The following PRDM6 variants were observed in gnomAD, a reference collection of about 807,000 sequenced individuals.
PRDM6 encodes the protein putative histone-lysine N-methyltransferase PRDM6.
A neutral mutation model predicts 60.8 loss-of-function variants in PRDM6; 25 were observed. The observed-to-expected ratio is 0.41, with a 90% confidence interval of 0.30 to 0.57. PRDM6 has a LOEUF of 0.57. PRDM6 is among the 20% of genes least tolerant of loss of function. The pLI, the probability that PRDM6 is intolerant of heterozygous loss-of-function variation, is 0.27. For synonymous variants in PRDM6, 407 were observed against 357.4 expected (o/e 1.14, Z -1.57); for missense variants, 839 against 821.3 (o/e 1.02, Z -0.26).
At chr5:123,163,185 A>G (rs758133593) in intron 5 of PRDM6, among the ~76,000 whole-genome samples, 8 of 152,186 alleles carry the variant, frequency 5.3e-5, no homozygotes, top group Non-Finnish European at 1.0e-4. Context: ...GAGAATTTCT[A>G]TTACCATTAT....
intron 3 of PRDM6, among the ~76,000 whole-genome samples, chr5:123,154,607 C>G (rs758305303): frequency 6.0e-4 from 92 of 152,144 alleles, no homozygotes; most frequent in Non-Finnish European, 1.2e-3. Flanking sequence ...TGCACCCCCT[C>G]CCCCGGAATA....
At chr5:123,142,893 AAAAAAAAAAC>A (rs2126862195) in intron 3 of PRDM6, among the ~76,000 whole-genome samples, 1 of 149,142 alleles carries the variant, frequency 6.7e-6, no homozygotes, top group Non-Finnish European at 1.5e-5. Context: ...AAAAAAAAAA[AAAAAAAAAAC>A]AAACAAACCA....
chr5:123,090,050 C>A lies in PRDM6; in HGVS notation c.36C>A (p.Phe12Leu), dbSNP rs1275098182. The A allele has an allele frequency of 4.5e-6, 7 of 1,548,454 alleles. No homozygotes were observed. The highest frequency in any genetic ancestry group is 2.0e-5 in the Admixed American group (1 of 50,968). ...LKPGDPGGSA[F>L]LKVDPAYLQH... ...CCGGAGACCCCGGCGGTTCGGCCTT[C>A]CTCAAAGTGGACCCAGCCTACCTGC... The change falls in exon 2 of 8, where the codon TTC (phenylalanine) becomes TTA (leucine). Residue 12 changes from phenylalanine (F) to leucine (L), a missense_variant. Around this residue, in one of 2 missense-constraint regions of PRDM6, gnomAD observed 730 missense variants for 648.8 expected, o/e 1.13. Coordinates refer to ENST00000407847, the MANE Select transcript of PRDM6 (RefSeq NM_001136239.4).
At chr5:123,169,673 A>G (rs1035000502) in intron 5 of PRDM6, among the ~76,000 whole-genome samples, 4 of 152,180 alleles carry the variant, frequency 2.6e-5, no homozygotes, top group Non-Finnish European at 5.9e-5. Context: ...TATACCAGGG[A>G]CCAAATCACG....
chr5:123,134,355 C>T (rs1764903683), intron 3 of PRDM6, among the ~76,000 whole-genome samples: 1 of 151,958 alleles, frequency 6.6e-6, no homozygotes, highest in Admixed American at 6.6e-5. Context: ...CAGTATAGAT[C>T]TTTATTTTAG....
chr5:123,090,149 C>G lies in PRDM6; in HGVS notation c.135C>G (p.Ser45Arg), dbSNP rs761433057. The change falls in exon 2 of 8, where the codon AGC becomes AGG. Residue 45 changes from serine (S) to arginine (R), a missense_variant. Physicochemically the swap from Ser to Arg is moderately radical, Grantham distance 110. Around this residue, in one of 2 missense-constraint regions of PRDM6, gnomAD observed 730 missense variants for 648.8 expected, o/e 1.13. Coordinates refer to ENST00000407847, the MANE Select transcript of PRDM6 (RefSeq NM_001136239.4). ...LKGSGAAGLL[S>R]APQPLQPPPP... ...GCAGCGGCGCCGCGGGTCTCCTGAG[C>G]GCGCCGCAGCCTCTTCAGCCGCCGC... 10 of 1,528,786 alleles carry G rather than the reference C, an allele frequency of 6.5e-6. No individual in the cohort carries two copies. In the African/African-American group the frequency reaches 1.3e-4, roughly 20 times the overall value. The allele number at this position is 1,528,786 out of a possible 1,614,324, so 94.7% of individuals were successfully genotyped here.
At position 123,190,687 on chromosome 5, in the gene PRDM6, G is replaced by A. The variant is rs1213414059; in HGVS notation, c.*3486G>A. ...GGTTCAGGTATGCAAAGATTTATACGAACATTTAGCAGTTCATCAATTTTT... is the reference window on the plus strand; with the variant it reads ...GGTTCAGGTATGCAAAGATTTATACAAACATTTAGCAGTTCATCAATTTTT... On this transcript the variant is annotated 3_prime_UTR_variant, in exon 8 of 8. Coordinates refer to ENST00000407847, the MANE Select transcript of PRDM6 (RefSeq NM_001136239.4). 1 of 152,162 alleles carries A rather than the reference G, an allele frequency of 6.6e-6. No homozygotes were observed. The highest frequency in any genetic ancestry group is 6.5e-5 in the Admixed American group (1 of 15,290). 9.4% of individuals were successfully genotyped at this position (152,162 alleles called of 1,614,324 possible). A position where few individuals can be genotyped will look rare whatever the true frequency, so the allele number is the denominator to read the frequency against.
At chr5:123,122,885 C>T (rs915279393) in intron 3 of PRDM6, among the ~76,000 whole-genome samples, 6 of 152,058 alleles carry the variant, frequency 3.9e-5, no homozygotes, top group African/African-American at 1.2e-4. Flanking sequence ...TTCTTTACTA[C>T]GAGTTTAATG....
chr5:123,156,464 T>C (rs1330447694), intron 4 of PRDM6, among the ~76,000 whole-genome samples: 1 of 152,196 alleles, frequency 6.6e-6, no homozygotes, highest in Admixed American at 6.5e-5. Flanking sequence ...AAGAACTCGC[T>C]ACCTTCCCAA....
intron 3 of PRDM6, among the ~76,000 whole-genome samples, chr5:123,126,762 A>C: frequency 6.6e-6 from 1 of 152,350 alleles, no homozygotes; most frequent in East Asian, 1.9e-4. Context: ...AATTTCCAGA[A>C]GTTTTACACC....
chr5:123,157,509 A>C (rs1765530028), intron 4 of PRDM6, among the ~76,000 whole-genome samples: 2 of 152,178 alleles, frequency 1.3e-5, no homozygotes, highest in South Asian at 4.1e-4. Context: ...TGTCAATATT[A>C]AGTGGGTTTT....
chr5:123,168,820 T>C (rs1243293108), intron 5 of PRDM6, among the ~76,000 whole-genome samples: 17 of 152,252 alleles, frequency 1.1e-4, no homozygotes, highest in Admixed American at 9.2e-4. Context: ...GCTTAACACA[T>C]GTGATGCTGC....
At chr5:123,142,733 T>C (rs922790167) in intron 3 of PRDM6, among the ~76,000 whole-genome samples, 11 of 151,848 alleles carry the variant, frequency 7.2e-5, no homozygotes, top group African/African-American at 2.4e-4. Context: ...CCTAAAAATA[T>C]CTGTCTTATG....
At chr5:123,113,759 C>G (rs1436521451) in intron 3 of PRDM6, among the ~76,000 whole-genome samples, 1 of 152,180 alleles carries the variant, frequency 6.6e-6, no homozygotes, top group Non-Finnish European at 1.5e-5. Context: ...GGTGAGCTTT[C>G]TTTTCTAGGT....
intron 3 of PRDM6, among the ~76,000 whole-genome samples, chr5:123,106,627 A>T (rs335143): frequency 6.6e-6 from 1 of 152,136 alleles, no homozygotes; most frequent in African/African-American, 2.4e-5. Context: ...AAGGCTCAGC[A>T]GTGTGAAACT....
chr5:123,118,345 C>G (rs1429121560), intron 3 of PRDM6, among the ~76,000 whole-genome samples: 1 of 152,136 alleles, frequency 6.6e-6, no homozygotes, highest in Non-Finnish European at 1.5e-5. Context: ...AGAAATAAGG[C>G]TGATAAATTG....
chr5:123,155,864 C>T lies in PRDM6; in HGVS notation c.901-20C>T. 5.8e-6 allele frequency: 9 copies of T among 1,548,526 alleles called. No individual in the cohort carries two copies. Among genetic ancestry groups the T allele is most frequent in the Non-Finnish European group, 7.9e-6 (9 of 1,146,022 alleles). The stretch of plus-strand genomic sequence containing the variant: ...CTGATGATTCGTTCTAACTACTTGA[C>T]CTTCTGACCTCTTCTCCAGATATAT... On this transcript the variant is annotated intron_variant, in intron 3 of 7. Coordinates refer to ENST00000407847, the MANE Select transcript of PRDM6 (RefSeq NM_001136239.4).
intron 6 of PRDM6, among the ~76,000 whole-genome samples, 189 bp downstream of exon 6, chr5:123,171,297 G>T (rs1267706991): frequency 6.6e-6 from 1 of 152,212 alleles, no homozygotes; most frequent in Non-Finnish European, 1.5e-5. Flanking sequence ...AGACAGGTTG[G>T]TGGCTGCAGA....
chr5:123,175,105 A>T (rs959748876), intron 6 of PRDM6, among the ~76,000 whole-genome samples: 1 of 151,970 alleles, frequency 6.6e-6, no homozygotes, highest in Admixed American at 6.6e-5. Flanking sequence ...CAGCACTCCC[A>T]TTGGGGGCAG....
Sources: allele counts gnomAD v4.1 joint callset (sites outside exome capture counted in the v4.1 genomes callset), GRCh38; gene constraint gnomAD v4.1.1; regional missense constraint gnomAD v4.1.1; transcripts MANE v1.5; gene names NCBI Gene and HGNC (gene_info 2026-07-23, HGNC 2026-07-21).